TSPAN9: variants seen among roughly 807,000 people sequenced by gnomAD.
The protein encoded by TSPAN9 is tetraspanin-9.
A neutral mutation model predicts 31.0 loss-of-function variants in TSPAN9; 16 were observed. The ratio of observed to expected loss-of-function variants is 0.52; its 90% CI spans 0.35 to 0.78. TSPAN9 has a LOEUF of 0.78. TSPAN9 is among the 30% of genes least tolerant of loss of function. The pLI is 0.01. For synonymous variants in TSPAN9, 145 were observed against 121.6 expected (o/e 1.19, Z -1.27); for missense variants, 272 against 312.5 (o/e 0.87, Z 0.98).
In TSPAN9 at chr12:3,278,444, A is replaced by C. The variant is rs772257948; in HGVS notation, c.87A>C (p.Gly29=). 4 of 1,613,898 alleles carry C rather than the reference A, an allele frequency of 2.5e-6. No homozygotes were observed. The highest frequency in any genetic ancestry group is 2.5e-6 in the Non-Finnish European group (3 of 1,180,008). The change falls in exon 4 of 9, where the codon GGA becomes GGC. Residue 29 remains glycine, a synonymous_variant. Coordinates refer to ENST00000011898, the MANE Select transcript of TSPAN9 (RefSeq NM_006675.5). ...IFWLCGCGLL[G]VGIWLSVSQG... is the part of the protein sequence containing the mutation. ...AGCTCTGTGGCTGTGGGCTGCTGGG[A>C]GTGGGCATCTGGCTCTCCGTGTCCC...
chr12:3,153,135 C>A (rs1457083958), intron 2 of TSPAN9, among the ~76,000 whole-genome samples: 2 of 152,168 alleles, frequency 1.3e-5, no homozygotes, highest in African/African-American at 4.8e-5. Flanking sequence ...TTTGTGACAC[C>A]TTTTCCTTGT....
chr12:3,283,111 G>A lies in TSPAN9; in HGVS notation c.715G>A (p.Ala239Thr), dbSNP rs147562233. 14 of 1,608,330 alleles carry A rather than the reference G, an allele frequency of 8.7e-6. No homozygotes were observed. Among genetic ancestry groups the A allele is most frequent in the Admixed American group, 1.7e-5 (1 of 60,014 alleles). ...CCACCGGACTGGTAAGAAGTACGAC[G>A]CATGAGCGGGCTGGCCGGGAGTGCC... ...HIHRTGKKYD[A>T] Residue 239 changes from alanine to threonine, a missense_variant, in exon 9 of 9, where the codon GCA becomes ACA. Transcript: ENST00000011898.
intron 3 of TSPAN9, among the ~76,000 whole-genome samples, chr12:3,272,713 G>A (rs997980583): frequency 6.6e-6 from 1 of 152,166 alleles, no homozygotes; most frequent in Non-Finnish European, 1.5e-5. Context: ...ATGAGATATG[G>A]GCAGTGGCTG....
chr12:3,236,972 ACACAT>A (rs1291611371), intron 3 of TSPAN9, among the ~76,000 whole-genome samples: 27 of 152,170 alleles, frequency 1.8e-4, no homozygotes, highest in African/African-American at 6.3e-4. Context: ...AGAAACGAGC[ACACAT>A]GTGAAATGAC....
At chr12:3,117,436 C>A (rs546220979) in intron 2 of TSPAN9, among the ~76,000 whole-genome samples, 2 of 152,052 alleles carry the variant, frequency 1.3e-5, no homozygotes, top group Non-Finnish European at 2.9e-5. Context: ...GGACTATTTG[C>A]CCGATTTTTG....
intron 2 of TSPAN9, among the ~76,000 whole-genome samples, chr12:3,137,486 A>T (rs1295032188): frequency 6.6e-6 from 1 of 152,092 alleles, no homozygotes; most frequent in East Asian, 1.9e-4. Flanking sequence ...GCCCTTGTAG[A>T]TACATACTCT....
chr12:3,204,038 G>A (rs1259861577), intron 3 of TSPAN9, among the ~76,000 whole-genome samples: 1 of 152,172 alleles, frequency 6.6e-6, no homozygotes, highest in Non-Finnish European at 1.5e-5. Context: ...GTGCAGGGGG[G>A]CAGGGGGAGC....
At chr12:3,191,556 C>T (rs1231986672) in intron 2 of TSPAN9, among the ~76,000 whole-genome samples, 1 of 152,200 alleles carries the variant, frequency 6.6e-6, no homozygotes, top group Non-Finnish European at 1.5e-5. Flanking sequence ...TCATCAGTGT[C>T]CTCAGGCTTT....
At position 3,192,728 on chromosome 12, in the gene TSPAN9, G is replaced by A. The variant is rs982249186; in HGVS notation, c.-17-8449G>A. ...AACAGCATGCAGATGGCCCTGGAAC[G>A]GAGGAGATGGTCATATAGAGGAAAG... On this transcript the variant is annotated intron_variant, in intron 2 of 8. Coordinates refer to ENST00000011898, the MANE Select transcript of TSPAN9 (RefSeq NM_006675.5). This position sits in a 1 kb window ranked among gnomAD's most constrained non-coding sequence, Gnocchi z 4.6. Among the ~76,000 whole-genome samples the A allele has an allele frequency of 4.6e-5, 7 of 152,100 alleles. No individual in the cohort carries two copies. The highest frequency in any genetic ancestry group is 9.7e-5 in the African/African-American group (4 of 41,406).
chr12:3,254,109 C>T (rs1012991302), intron 3 of TSPAN9, among the ~76,000 whole-genome samples: 34 of 152,246 alleles, frequency 2.2e-4, no homozygotes, highest in African/African-American at 5.8e-4. Flanking sequence ...ATGATGCATC[C>T]GGAGCACCCA....
intron 3 of TSPAN9, among the ~76,000 whole-genome samples, chr12:3,220,067 C>T (rs1268947169): frequency 6.6e-6 from 1 of 151,126 alleles, no homozygotes; most frequent in Non-Finnish European, 1.5e-5. Context: ...ATTGCTTGAA[C>T]CCGGGAGGCG....
chr12:3,123,673 C>T (rs2098326144), intron 2 of TSPAN9, among the ~76,000 whole-genome samples: 1 of 151,014 alleles, frequency 6.6e-6, no homozygotes. Context: ...TTTTCTAAGG[C>T]TCCTGTCATG....
intron 3 of TSPAN9, among the ~76,000 whole-genome samples, chr12:3,251,024 C>T (rs1410105901): frequency 2.0e-5 from 3 of 152,204 alleles, no homozygotes; most frequent in Non-Finnish European, 4.4e-5. Context: ...TTCTTCCTCC[C>T]CCTACCCCTG....
At position 3,281,241 on chromosome 12, in the gene TSPAN9, T is replaced by A; in HGVS notation, c.476T>A (p.Val159Glu). The change falls in exon 7 of 9, where the codon GTG becomes GAG. Residue 159 changes from valine to glutamate, a missense_variant. By Grantham distance (121) the Val-to-Glu change is moderately radical. Transcript: ENST00000011898. ...GVTDYTDWYP[V>E]LGENTVPDRC... ...ACTGACTACACAGACTGGTACCCAG[T>A]GCTGGGGGAGAACACGGTTCCCGAC... 1 of 1,551,336 alleles carries A rather than the reference T, an allele frequency of 6.4e-7. No homozygotes were observed. The highest frequency in any genetic ancestry group is 8.7e-7 in the Non-Finnish European group (1 of 1,146,996).
At position 3,210,089 on chromosome 12, in the gene TSPAN9, C is replaced by T. The variant is rs568057909; in HGVS notation, c.63+8833C>T. 7.5e-5 allele frequency among the ~76,000 whole-genome samples: 11 copies of T among 146,928 alleles called. 1 individual carries two copies. The East Asian group carries it at 1.0e-3, about 13-fold the overall frequency. On this transcript the variant is annotated intron_variant, in intron 3 of 8. Transcript: ENST00000011898. Reference sequence around the variant, plus strand: ...AGGCCGAGCTTGCAGTAGCCGAGATCGCGCACTGCACTCCAGCCTGGGCAA... The same window carrying T: ...AGGCCGAGCTTGCAGTAGCCGAGATTGCGCACTGCACTCCAGCCTGGGCAA...
chr12:3,198,233 GCACAGGTCACCACCAGCACAGCT>G (rs1360643316), intron 2 of TSPAN9, among the ~76,000 whole-genome samples: 10 of 91,822 alleles, frequency 1.1e-4, no homozygotes, highest in Non-Finnish European at 1.1e-4. Flanking sequence ...GTCACCACCA[GCACAGGTCACCACCAGCACAGCT>G]CACCACCAGC....
intron 3 of TSPAN9, among the ~76,000 whole-genome samples, chr12:3,268,469 CGTTCCTGCAGCCTGCCCTCT>C (rs1862586499): frequency 5.2e-5 from 5 of 95,802 alleles, no homozygotes; most frequent in African/African-American, 1.9e-4. Flanking sequence ...GCCCTCTGTG[CGTTCCTGCAGCCTGCCCTCT>C]CTGTGTTCCT....
At chr12:3,174,873 C>T (rs144438606) in intron 2 of TSPAN9, among the ~76,000 whole-genome samples, 21,152 of 152,102 alleles carry the variant, frequency 0.14, 1,537 homozygotes, top group Non-Finnish European at 0.16. Flanking sequence ...TGAGCCACCG[C>T]ACCCGGCCTC....
At chr12:3,255,893 C>G (rs537284868) in intron 3 of TSPAN9, among the ~76,000 whole-genome samples, 3 of 152,146 alleles carry the variant, frequency 2.0e-5, no homozygotes, top group African/African-American at 7.2e-5. Flanking sequence ...GCTGGACACC[C>G]CTTTGTACCT....
Sources: allele counts gnomAD v4.1 joint callset (sites outside exome capture counted in the v4.1 genomes callset), GRCh38; gene constraint gnomAD v4.1.1; non-coding constraint Gnocchi (gnomAD v3.1); transcripts MANE v1.5; gene names NCBI Gene and HGNC (gene_info 2026-07-23, HGNC 2026-07-21).